Variants in TNR observed in about 807,000 individuals in gnomAD.
TNR encodes the protein tenascin-R.
In TNR, 45 loss-of-function variants were observed where a neutral mutation model predicts 150.4. The observed-to-expected ratio is 0.30, with a 90% CI of 0.24 to 0.38. The LOEUF (loss-of-function observed/expected upper bound fraction) is 0.38, where lower values mean the gene tolerates loss of function less well. TNR is among the 10% of genes least tolerant of loss of function. The probability of loss-of-function intolerance (pLI) is 1.00; values close to 1 mark genes in which losing one functional copy is unlikely to be tolerated. For synonymous variants in TNR, 687 were observed against 678.4 expected (o/e 1.01, Z -0.20); for missense variants, 1,544 against 1,759.1 (o/e 0.88, Z 2.19).
chr1:175,710,052 GATTCGACTTGCATT>G (rs1041791929), intron 1 of TNR, among the ~76,000 whole-genome samples: 1 of 152,042 alleles, frequency 6.6e-6, no homozygotes. Flanking sequence ...GAAAAAGTAT[GATTCGACTTGCATT>G]ATTCGAGGGT....
chr1:175,724,760 C>A (rs1475151900), intron 1 of TNR, among the ~76,000 whole-genome samples: 1 of 152,150 alleles, frequency 6.6e-6, no homozygotes, highest in African/African-American at 2.4e-5. Flanking sequence ...GTAACCATGG[C>A]ACCTGGCTTG....
intron 1 of TNR, among the ~76,000 whole-genome samples, chr1:175,546,060 C>T (rs755849038): frequency 2.0e-5 from 3 of 152,192 alleles, no homozygotes; most frequent in Admixed American, 6.5e-5. Context: ...AGCCTCCCCT[C>T]AGCCCCTTTC....
intron 9 of TNR, among the ~76,000 whole-genome samples, chr1:175,370,415 G>A (rs972277878): frequency 4.3e-5 from 6 of 139,836 alleles, no homozygotes; most frequent in Non-Finnish European, 7.5e-5. Context: ...GGCAAGTACA[G>A]GCCGGTCCTG....
At chr1:175,669,409 C>T (rs1665628046) in intron 1 of TNR, among the ~76,000 whole-genome samples, 1 of 152,196 alleles carries the variant, frequency 6.6e-6, no homozygotes, top group South Asian at 2.1e-4. Flanking sequence ...ATACATACTC[C>T]ATTACCCACA....
chr1:175,577,804 C>T (rs1033418194), intron 1 of TNR, among the ~76,000 whole-genome samples: 11 of 152,286 alleles, frequency 7.2e-5, no homozygotes, highest in Non-Finnish European at 1.3e-4. Context: ...AAATCTACTG[C>T]CCCAAATGCT....
At chr1:175,468,708 G>A (rs745589143) in intron 2 of TNR, among the ~76,000 whole-genome samples, 1 of 152,174 alleles carries the variant, frequency 6.6e-6, no homozygotes, top group Non-Finnish European at 1.5e-5. Flanking sequence ...CATCAAAGAC[G>A]TGATGGTGAG....
intron 1 of TNR, among the ~76,000 whole-genome samples, chr1:175,568,357 T>C (rs1022224345): frequency 3.3e-5 from 5 of 152,204 alleles, no homozygotes; most frequent in African/African-American, 1.2e-4. Context: ...CTGTTTCATG[T>C]AATTGTTTAA....
At chr1:175,418,505 C>T (rs772266463) in intron 2 of TNR, among the ~76,000 whole-genome samples, 9 of 152,082 alleles carry the variant, frequency 5.9e-5, no homozygotes, top group Admixed American at 3.3e-4. Flanking sequence ...AGATGGATCA[C>T]GAGGTCAGGA....
At chr1:175,539,350 T>C (rs1571579094) in intron 1 of TNR, among the ~76,000 whole-genome samples, 1 of 152,242 alleles carries the variant, frequency 6.6e-6, no homozygotes, top group Admixed American at 6.5e-5. Flanking sequence ...GACACAGTCA[T>C]GTACACCTGG....
chr1:175,480,727 G>A (rs1305543556), intron 2 of TNR, among the ~76,000 whole-genome samples: 1 of 152,178 alleles, frequency 6.6e-6, no homozygotes, highest in African/African-American at 2.4e-5. Flanking sequence ...AGAGAGGCCA[G>A]ATTTGAATTC....
intron 1 of TNR, among the ~76,000 whole-genome samples, chr1:175,684,241 T>C (rs1188846759): frequency 1.3e-5 from 2 of 152,156 alleles, no homozygotes; most frequent in African/African-American, 4.8e-5. Flanking sequence ...CAACAAAATA[T>C]ATTGAGCTTC....
chr1:175,455,813 G>A (rs1035989689), intron 2 of TNR, among the ~76,000 whole-genome samples: 1 of 152,202 alleles, frequency 6.6e-6, no homozygotes, highest in Non-Finnish European at 1.5e-5. Flanking sequence ...AGCCAGAGTA[G>A]GTCCTTGAGG....
At chr1:175,535,825 G>T (rs544269412) in intron 1 of TNR, among the ~76,000 whole-genome samples, 1 of 151,900 alleles carries the variant, frequency 6.6e-6, no homozygotes, top group Non-Finnish European at 1.5e-5. Context: ...GTTCACAGAG[G>T]GTCCATGAAC....
At chr1:175,486,821 T>C (rs545243486) in intron 2 of TNR, among the ~76,000 whole-genome samples, 20 of 152,358 alleles carry the variant, frequency 1.3e-4, no homozygotes, top group African/African-American at 4.6e-4. Flanking sequence ...CCATTCTAAC[T>C]GGTGTGAGAT....
intron 14 of TNR, 111 bp downstream of exon 14, chr1:175,362,552 G>T: frequency 7.3e-7 from 1 of 1,363,204 alleles, no homozygotes; most frequent in Non-Finnish European, 1.0e-6. Context: ...TGAGTTGGAG[G>T]AGCACCCCGA....
intron 2 of TNR, among the ~76,000 whole-genome samples, chr1:175,524,961 C>T (rs770021712): frequency 1.3e-5 from 2 of 152,144 alleles, no homozygotes; most frequent in Non-Finnish European, 2.9e-5. Flanking sequence ...CTCCTCTTTC[C>T]CCTTCCATAG....
In TNR at chr1:175,553,817, A is replaced by AACACACACACACACACACAC. The variant is rs58714689; in HGVS notation, c.-164-25468_-164-25449dup. ...TCATACATATGCATATACAAGAACA[A>AACACACACACACACACACAC]ACACACACACACACACACACACACA... On this transcript the variant is annotated intron_variant, in intron 1 of 22. Coordinates refer to ENST00000367674, the MANE Select transcript of TNR (RefSeq NM_003285.3). Among the ~76,000 whole-genome samples, 346 of 145,484 alleles carry AACACACACACACACACACAC rather than the reference A, an allele frequency of 2.4e-3. 6 individuals are homozygous for AACACACACACACACACACAC. The South Asian group carries it at 0.028, about 12-fold the overall frequency.
At position 175,592,482 on chromosome 1, in the gene TNR, CTGACTGAGGGACCCCTGGCTCGA is replaced by C. The variant is rs556710275; in HGVS notation, c.-164-64136_-164-64114del. 3.5e-3 allele frequency among the ~76,000 whole-genome samples: 532 copies of C among 152,364 alleles called. 3 individuals carry two copies. The highest frequency in any genetic ancestry group is 5.9e-3 in the Non-Finnish European group (399 of 68,028). ...TAGGTGACCCAGCCCCTGCGGGAGC[CTGACTGAGGGACCCCTGGCTCGA>C]GGAGCCGGAGGCTCTCTCACTTTTC... On this transcript the variant is annotated intron_variant, in intron 1 of 22. Transcript: ENST00000367674.
chr1:175,670,946 TG>T (rs576501381), intron 1 of TNR, among the ~76,000 whole-genome samples: 3 of 151,964 alleles, frequency 2.0e-5, no homozygotes, highest in Non-Finnish European at 4.4e-5. Flanking sequence ...GAGTGCTCTG[TG>T]GGGGGTAGGT....
Sources: gnomAD v4.1 joint callset for allele counts (sites outside exome capture counted in the v4.1 genomes callset) on GRCh38, gnomAD v4.1.1 for gene constraint, MANE v1.5 for transcripts, NCBI Gene and HGNC (gene_info 2026-07-23, HGNC 2026-07-21) for gene names.